Variants in APP observed in about 807,000 individuals in gnomAD.
The protein encoded by APP is amyloid-beta precursor protein.
A neutral mutation model predicts 101.4 loss-of-function variants in APP; 31 were observed. The observed-to-expected ratio is 0.31, with a 90% CI of 0.23 to 0.41. The LOEUF is 0.41. Among genes scored for constraint, APP ranks in the 10% least tolerant of loss-of-function variants. The probability of loss-of-function intolerance (pLI) is 1.00; values close to 1 mark genes in which losing one functional copy is unlikely to be tolerated. For missense variants in APP, 839 were observed against 1,003.7 expected, an observed-to-expected ratio of 0.84 and a Z score of 2.22; for synonymous variants, 366 against 364.4, an observed-to-expected ratio of 1.00 and a Z score of -0.05.
At chr21:26,051,297 C>G (rs1331175154) in intron 4 of APP, 104 bp from the exon 5 acceptor site, 1 of 1,178,374 alleles carries the variant, frequency 8.5e-7, no homozygotes. Context: ...ATATTAGGAA[C>G]CAATTTCACA....
chr21:25,941,371 A>G (rs1001608189), intron 13 of APP: 1 of 152,266 alleles, frequency 6.6e-6, no homozygotes, highest in Non-Finnish European at 1.5e-5. Context: ...GTCTGTGATC[A>G]AGAAGAATTA....
chr21:25,925,234 T>A (rs2146368895), intron 13 of APP, among the ~76,000 whole-genome samples: 1 of 152,298 alleles, frequency 6.6e-6, no homozygotes, highest in Non-Finnish European at 1.5e-5. Flanking sequence ...CAGATTTAAT[T>A]TTCCAATCAG....
rs527890624 is a variant in APP, at chr21:26,021,865, TGTGGTG to T, written c.834_839del (p.Thr279_Thr280del). The stretch of plus-strand genomic sequence containing the variant: ...CTCGAACCACCTCTTCCACAGACTC[TGTGGTG>T]GTGGTGGTGGTGGTGGCAATGCTGG... On this transcript the variant is annotated inframe_deletion, in exon 6 of 18. Coordinates refer to ENST00000346798, the MANE Select transcript of APP (RefSeq NM_000484.4). 199 of 1,613,170 alleles carry T rather than the reference TGTGGTG, an allele frequency of 1.2e-4. No individual in the cohort carries two copies. The highest frequency in any genetic ancestry group is 1.5e-4 in the Non-Finnish European group (179 of 1,179,694).
intron 3 of APP, among the ~76,000 whole-genome samples, chr21:26,069,979 C>CATT (rs1314256275): frequency 2.6e-5 from 4 of 152,144 alleles, no homozygotes; most frequent in Non-Finnish European, 4.4e-5. Context: ...TTTTACCAGG[C>CATT]ATTACAATAT....
At chr21:26,050,570 C>A (rs1417867668) in intron 5 of APP, among the ~76,000 whole-genome samples, 3 of 151,858 alleles carry the variant, frequency 2.0e-5, no homozygotes, top group Non-Finnish European at 2.9e-5. Context: ...CAAAAAAAAA[C>A]CCTTACACAT....
At chr21:26,067,677 A>G (rs1009659147) in intron 3 of APP, among the ~76,000 whole-genome samples, 1 of 152,172 alleles carries the variant, frequency 6.6e-6, no homozygotes, top group African/African-American at 2.4e-5. Flanking sequence ...CTCTTGTTGC[A>G]GTTCTCATAT....
chr21:26,076,787 G>C lies in APP; in HGVS notation c.355+13156C>G, dbSNP rs2061504424. On this transcript the variant is annotated intron_variant, in intron 3 of 17. Transcript: ENST00000346798. ...TAAGCTTAAAAGAAATTTTAGGCTGGGCGCAGTGGCTCACGCCTGTAATCC... is the reference window on the plus strand; with the variant it reads ...TAAGCTTAAAAGAAATTTTAGGCTGCGCGCAGTGGCTCACGCCTGTAATCC... Among the ~76,000 whole-genome samples, 6 of 152,220 alleles carry C rather than the reference G, an allele frequency of 3.9e-5. 1 individual carries two copies. The South Asian group carries it at 1.2e-3, about 32-fold the overall frequency.
chr21:25,890,557 A>G (rs2037622871), intron 17 of APP, among the ~76,000 whole-genome samples: 1 of 152,076 alleles, frequency 6.6e-6, no homozygotes, highest in Non-Finnish European at 1.5e-5. Context: ...CCTGACCAAT[A>G]TGGTGAAACC....
At chr21:26,032,805 A>AAT (rs10532653) in intron 5 of APP, among the ~76,000 whole-genome samples, 32 of 124,466 alleles carry the variant, frequency 2.6e-4, no homozygotes, top group African/African-American at 6.0e-4. Flanking sequence ...AAAAAAAAAA[A>AAT]ATATATATAT....
rs1009894 is a variant in APP, at chr21:26,092,764, T to C, written c.226-2692A>G. On this transcript the variant is annotated intron_variant, in intron 2 of 17. Transcript: ENST00000346798. ...GGGGGATGTTTATAATAGGAGAGGC[T>C]AAGCATGTGTGCAGGTAGCAAGTAT... Among the ~76,000 whole-genome samples, 870 of 152,310 alleles carry C rather than the reference T, an allele frequency of 5.7e-3. 11 individuals are homozygous for C. Among genetic ancestry groups the C allele is most frequent in the African/African-American group, 0.02 (833 of 41,564 alleles).
chr21:26,068,526 A>AT lies in APP; in HGVS notation c.356-15179dup, dbSNP rs199589684. Among the ~76,000 whole-genome samples, 66 of 150,440 alleles carry AT rather than the reference A, an allele frequency of 4.4e-4. 1 individual carries two copies. The East Asian group carries it at 9.8e-3, about 22-fold the overall frequency. On this transcript the variant is annotated intron_variant, in intron 3 of 17. Coordinates refer to ENST00000346798, the MANE Select transcript of APP (RefSeq NM_000484.4). Reference sequence around the variant, plus strand: ...CGGCACATGCCAACATGCCTGGCTAATTTTTTTTTTAATTATTTTTTGTAG... The same window carrying AT: ...CGGCACATGCCAACATGCCTGGCTAATTTTTTTTTTTAATTATTTTTTGTAG...
intron 14 of APP, 34 bp from the exon 15 acceptor site, chr21:25,905,111 A>T: frequency 1.3e-6 from 2 of 1,597,744 alleles, no homozygotes; most frequent in Non-Finnish European, 1.7e-6. Flanking sequence ...CAGAAAGCAA[A>T]CAAGACAAAT....
intron 2 of APP, among the ~76,000 whole-genome samples, chr21:26,102,692 A>G (rs1013227956): frequency 2.0e-5 from 3 of 151,898 alleles, no homozygotes; most frequent in Non-Finnish European, 4.4e-5. Context: ...GGAGTTCGAG[A>G]CCAGCCTGGC....
intron 2 of APP, among the ~76,000 whole-genome samples, chr21:26,110,750 T>C (rs2062299314): frequency 2.0e-5 from 3 of 152,084 alleles, no homozygotes; most frequent in Non-Finnish European, 4.4e-5. Context: ...ACAACAAACA[T>C]TCATTATCCA....
intron 5 of APP, among the ~76,000 whole-genome samples, chr21:26,049,163 G>A (rs946402390): frequency 1.3e-5 from 2 of 152,108 alleles, no homozygotes; most frequent in Admixed American, 6.5e-5. Context: ...TGGGAGGAGG[G>A]TGGATGAAGC....
chr21:26,034,650 GA>G (rs1330038404), intron 5 of APP, among the ~76,000 whole-genome samples: 2 of 36,614 alleles, frequency 5.5e-5, no homozygotes, highest in Non-Finnish European at 7.4e-5. Flanking sequence ...AAAAAAAAAA[GA>G]AAAAGAAAAA....
At chr21:26,070,280 A>G (rs2830038) in intron 3 of APP, among the ~76,000 whole-genome samples, 70,059 of 152,048 alleles carry the variant, frequency 0.46, 17,588 homozygotes, top group African/African-American at 0.65. Flanking sequence ...CTTAGAAATC[A>G]CCACTTAGAT....
chr21:26,051,466 T>C (rs1019927251), intron 4 of APP, among the ~76,000 whole-genome samples: 23 of 152,268 alleles, frequency 1.5e-4, no homozygotes, highest in Admixed American at 3.9e-4. Flanking sequence ...TGGAAACTAA[T>C]TGGGAAATAA....
chr21:25,900,378 CAAAAAAAAAAAAAAAAA>C (rs60231150), intron 15 of APP, among the ~76,000 whole-genome samples: 5 of 59,470 alleles, frequency 8.4e-5, no homozygotes, highest in Admixed American at 2.4e-4. Context: ...ACTAAAAATA[CAAAAAAAAAAAAAAAAA>C]AAAAAAAAAA....
Sources: gnomAD v4.1 joint callset for allele counts (sites outside exome capture counted in the v4.1 genomes callset) on GRCh38, gnomAD v4.1.1 for gene constraint, MANE v1.5 for transcripts, NCBI Gene and HGNC (gene_info 2026-07-23, HGNC 2026-07-21) for gene names.